Variants in CHSY3 observed in about 807,000 individuals in gnomAD.
CHSY3 encodes the protein chondroitin sulfate synthase 3.
A neutral mutation model predicts 67.2 loss-of-function variants in CHSY3; 35 were observed. The ratio of observed to expected loss-of-function variants is 0.52; its 90% CI spans 0.40 to 0.69. CHSY3 has a LOEUF of 0.69. CHSY3 is among the 30% of genes least tolerant of loss of function. The pLI, the probability that CHSY3 is intolerant of heterozygous loss-of-function variation, is 0.00. For missense variants in CHSY3, 1,069 were observed against 1,138.5 expected (o/e 0.94, Z 0.88); for synonymous variants, 474 against 434.7 (o/e 1.09, Z -1.12).
At chr5:129,960,915 A>G (rs540652975) in intron 2 of CHSY3, among the ~76,000 whole-genome samples, 12 of 152,182 alleles carry the variant, frequency 7.9e-5, no homozygotes, top group African/African-American at 2.6e-4. Context: ...ATCAAATTAT[A>G]ATTTATTTTC....
At chr5:130,133,547 G>A (rs2149714935) in intron 2 of CHSY3, among the ~76,000 whole-genome samples, 1 of 151,982 alleles carries the variant, frequency 6.6e-6, no homozygotes, top group Non-Finnish European at 1.5e-5. Flanking sequence ...TAAGGCAGGT[G>A]TATCACTTGA....
At chr5:129,944,958 T>C (rs1042893815) in intron 2 of CHSY3, among the ~76,000 whole-genome samples, 2 of 152,224 alleles carry the variant, frequency 1.3e-5, no homozygotes, top group Non-Finnish European at 2.9e-5. Context: ...GAAAGGATTG[T>C]CACTTCCTTA....
In CHSY3 at chr5:129,937,816, T is replaced by A. The variant is rs574766809; in HGVS notation, c.1086+29456T>A. On this transcript the variant is annotated intron_variant, in intron 2 of 2. Coordinates refer to ENST00000305031, the MANE Select transcript of CHSY3 (RefSeq NM_175856.5). ...TCCATAATAATCTCCTTTAACTCCA[T>A]GTCTCACATCCAGGCTACACTGATG... Among the ~76,000 whole-genome samples the A allele has an allele frequency of 1.8e-4, 28 of 152,226 alleles. No homozygotes were observed. In the South Asian group the frequency reaches 3.3e-3, roughly 18 times the overall value.
chr5:129,969,437 A>G (rs553199154), intron 2 of CHSY3, among the ~76,000 whole-genome samples: 3 of 152,030 alleles, frequency 2.0e-5, no homozygotes, highest in African/African-American at 7.2e-5. Flanking sequence ...ACTAAACATT[A>G]GCTAATTGTA....
intron 2 of CHSY3, among the ~76,000 whole-genome samples, chr5:129,945,015 G>A (rs1260059976): frequency 6.6e-6 from 1 of 152,102 alleles, no homozygotes; most frequent in African/African-American, 2.4e-5. Flanking sequence ...TATATTCCAG[G>A]CTAAGACATC....
intron 2 of CHSY3, among the ~76,000 whole-genome samples, chr5:130,143,756 A>ATATATATATG (rs1433405052): frequency 2.0e-5 from 2 of 101,914 alleles, no homozygotes; most frequent in African/African-American, 9.5e-5. Context: ...ATATATATAT[A>ATATATATATG]TGTGTGTGTG....
intron 2 of CHSY3, among the ~76,000 whole-genome samples, chr5:130,094,389 A>G (rs1375340465): frequency 6.6e-6 from 1 of 152,202 alleles, no homozygotes; most frequent in Non-Finnish European, 1.5e-5. Flanking sequence ...TTGTAGCTTT[A>G]ACCTGTTGGA....
At chr5:129,947,856 G>A (rs1297477958) in intron 2 of CHSY3, among the ~76,000 whole-genome samples, 1 of 152,080 alleles carries the variant, frequency 6.6e-6, no homozygotes, top group East Asian at 1.9e-4. Flanking sequence ...ATTTCCCTGA[G>A]GATTAGTGAT....
intron 2 of CHSY3, among the ~76,000 whole-genome samples, chr5:130,112,747 T>C (rs1767629308): frequency 6.6e-6 from 1 of 152,058 alleles, no homozygotes; most frequent in Non-Finnish European, 1.5e-5. Context: ...GCTGCTGAGT[T>C]TCCTATTAGG....
chr5:130,140,086 G>A lies in CHSY3; in HGVS notation c.1087-44143G>A, dbSNP rs116119669. ...CTTAGCACTACCAACTGTTGTGTGG[G>A]TATTTTCCAGCATGAACAAGTAGAG... On this transcript the variant is annotated intron_variant, in intron 2 of 2. Transcript: ENST00000305031. 1,568 of 207,358 alleles carry A rather than the reference G, an allele frequency of 7.6e-3. 34 individuals are homozygous for A. Among genetic ancestry groups the A allele is most frequent in the African/African-American group, 0.035 (1,464 of 42,202 alleles). The allele number at this position is 207,358 out of a possible 1,614,324, so 12.8% of individuals were successfully genotyped here.
chr5:129,908,326 G>A lies in CHSY3; in HGVS notation c.1052G>A (p.Arg351His), dbSNP rs1369997643. 6 of 1,613,884 alleles carry A rather than the reference G, an allele frequency of 3.7e-6. No individual in the cohort carries two copies. Among genetic ancestry groups the A allele is most frequent in the East Asian group, 2.2e-5 (1 of 44,900 alleles). ...GTGGAAGTAGGAAGATGCGTTCGCC[G>A]TTTTGGTGGGACTCAGTGTGTCTGG... is the stretch of plus-strand genomic sequence containing the variant. ...EDVEVGRCVRRFGGTQCVWSY... is the reference protein window; with the variant it reads ...EDVEVGRCVRHFGGTQCVWSY... Residue 351 changes from arginine (R) to histidine (H), a missense_variant, in exon 2 of 3, where the codon CGT becomes CAT. Arg to His is a conservative substitution (Grantham distance 29). Coordinates refer to ENST00000305031, the MANE Select transcript of CHSY3 (RefSeq NM_175856.5).
At chr5:129,986,728 C>T (rs1340082683) in intron 2 of CHSY3, among the ~76,000 whole-genome samples, 1 of 152,140 alleles carries the variant, frequency 6.6e-6, no homozygotes, top group Non-Finnish European at 1.5e-5. Flanking sequence ...CTGCAGCCTC[C>T]ATCTCCCAGG....
At chr5:130,148,901 G>A (rs898497213) in intron 2 of CHSY3, among the ~76,000 whole-genome samples, 6 of 152,002 alleles carry the variant, frequency 3.9e-5, no homozygotes, top group African/African-American at 7.2e-5. Flanking sequence ...TAGTTTAATT[G>A]TATCCCATTT....
chr5:130,092,860 G>A (rs1766924836), intron 2 of CHSY3, among the ~76,000 whole-genome samples: 1 of 152,182 alleles, frequency 6.6e-6, no homozygotes, highest in African/African-American at 2.4e-5. Flanking sequence ...GAATTAGGGA[G>A]TGGTAAGAAA....
chr5:129,996,313 C>T (rs1451941239), intron 2 of CHSY3, among the ~76,000 whole-genome samples: 2 of 152,110 alleles, frequency 1.3e-5, no homozygotes, highest in Non-Finnish European at 2.9e-5. Context: ...CCCTTTAGTG[C>T]TTATGGAATA....
At chr5:130,042,866 C>T (rs1382725825) in intron 2 of CHSY3, among the ~76,000 whole-genome samples, 1 of 151,982 alleles carries the variant, frequency 6.6e-6, no homozygotes, top group African/African-American at 2.4e-5. Context: ...AGTATAAACA[C>T]AAAGATGTAT....
At chr5:129,989,741 G>C (rs567634981) in intron 2 of CHSY3, among the ~76,000 whole-genome samples, 7 of 152,264 alleles carry the variant, frequency 4.6e-5, no homozygotes, top group African/African-American at 1.7e-4. Context: ...TGATGCCTCA[G>C]GTTATTATTC....
chr5:130,039,448 G>T (rs2149664460), intron 2 of CHSY3, among the ~76,000 whole-genome samples: 1 of 114,846 alleles, frequency 8.7e-6, no homozygotes, highest in South Asian at 2.9e-4. Context: ...CTATGATCAT[G>T]CCACTGCACT....
chr5:130,065,443 G>A (rs934529241), intron 2 of CHSY3, among the ~76,000 whole-genome samples: 76 of 152,000 alleles, frequency 5.0e-4, no homozygotes, highest in Non-Finnish European at 2.4e-4. Flanking sequence ...TCTGATTATG[G>A]GGATTTTAGG....
Sources: allele counts gnomAD v4.1 joint callset (sites outside exome capture counted in the v4.1 genomes callset), GRCh38; gene constraint gnomAD v4.1.1; transcripts MANE v1.5; gene names NCBI Gene and HGNC (gene_info 2026-07-23, HGNC 2026-07-21).